Variants in GRM8 observed in about 807,000 individuals in gnomAD.
The protein encoded by GRM8 is glutamate metabotropic receptor 8.
A neutral mutation model predicts 87.2 loss-of-function variants in GRM8; 47 were observed. The observed-to-expected ratio is 0.54, with a 90% CI of 0.43 to 0.69. The LOEUF (loss-of-function observed/expected upper bound fraction) is 0.69. GRM8 is among the 30% of genes least tolerant of loss of function. GRM8 has a pLI of 0.00. For synonymous variants in GRM8, 396 were observed against 404.5 expected, an observed-to-expected ratio of 0.98 and a Z score of 0.25; for missense variants, 1,019 against 1,139.2, an observed-to-expected ratio of 0.89 and a Z score of 1.52.
At chr7:127,249,299 T>G (rs1798737536) in intron 1 of GRM8, among the ~76,000 whole-genome samples, 1 of 152,228 alleles carries the variant, frequency 6.6e-6, no homozygotes, top group Non-Finnish European at 1.5e-5. Context: ...TTTCATTACC[T>G]TGGCCCTCCC....
At chr7:126,816,912 A>G (rs1946109) in intron 6 of GRM8, among the ~76,000 whole-genome samples, 56,385 of 151,874 alleles carry the variant, frequency 0.37, 11,749 homozygotes, top group Non-Finnish European at 0.47. Context: ...CTTCCATTAT[A>G]TTTTGTTTGA....
chr7:127,023,729 G>T (rs1816498009), intron 3 of GRM8, among the ~76,000 whole-genome samples: 1 of 152,000 alleles, frequency 6.6e-6, no homozygotes, highest in Admixed American at 6.6e-5. Context: ...AAATCTCCTT[G>T]GCTGACAAAA....
At chr7:126,637,243 G>C (rs1484281258) in intron 7 of GRM8, among the ~76,000 whole-genome samples, 1 of 151,828 alleles carries the variant, frequency 6.6e-6, no homozygotes, top group Non-Finnish European at 1.5e-5. Flanking sequence ...ATACAATTTG[G>C]GTGCGAGGGA....
intron 2 of GRM8, among the ~76,000 whole-genome samples, chr7:127,198,890 G>A (rs1795438056): frequency 1.3e-5 from 2 of 150,154 alleles, no homozygotes; most frequent in Admixed American, 1.3e-4. Context: ...GCCCAGGCTG[G>A]AGTGCAATGG....
intron 7 of GRM8, among the ~76,000 whole-genome samples, chr7:126,723,195 C>G (rs532010157): frequency 4.6e-5 from 7 of 151,738 alleles, no homozygotes; most frequent in African/African-American, 1.4e-4. Context: ...GAAAGCAGAT[C>G]TAACTGCGGG....
chr7:126,717,784 C>T (rs764097623), intron 7 of GRM8, among the ~76,000 whole-genome samples: 1 of 152,018 alleles, frequency 6.6e-6, no homozygotes, highest in Non-Finnish European at 1.5e-5. Context: ...TGGTTAATAT[C>T]GGAATAATTT....
chr7:126,601,702 A>T (rs1267312471), intron 8 of GRM8, among the ~76,000 whole-genome samples: 7 of 142,318 alleles, frequency 4.9e-5, no homozygotes, highest in South Asian at 2.4e-4. Context: ...GCATTTTTTC[A>T]TGTGTTTTTT....
At chr7:127,037,040 C>A (rs1817912369) in intron 3 of GRM8, among the ~76,000 whole-genome samples, 1 of 152,066 alleles carries the variant, frequency 6.6e-6, no homozygotes, top group Non-Finnish European at 1.5e-5. Context: ...ATATTGCTTA[C>A]CCCTCAGCTT....
At chr7:127,179,549 T>C (rs982318671) in intron 2 of GRM8, among the ~76,000 whole-genome samples, 1 of 152,132 alleles carries the variant, frequency 6.6e-6, no homozygotes, top group African/African-American at 2.4e-5. Context: ...AAATACACGT[T>C]CTATTTAATA....
chr7:126,904,624 C>A lies in GRM8; in HGVS notation c.787G>T (p.Glu263Ter), dbSNP rs773802177. 1 of 1,613,708 alleles carries A rather than the reference C, an allele frequency of 6.2e-7. No individual in the cohort carries two copies. The highest frequency in any genetic ancestry group is 8.5e-7 in the Non-Finnish European group (1 of 1,179,688). Residue 263 changes from glutamate (E) to a stop codon, truncating the protein, a stop_gained, in exon 4 of 11, where the codon GAA (glutamate) becomes TAA (stop). Transcript: ENST00000339582. LOFTEE classifies it high-confidence loss of function. ...TCTAGCAGGCGTTTGATAATTTTTT[C>A]AAATTCTCCAGGTCTTGGTTCACGT... ...IPREPRPGEF[E>*]KIIKRLLETP...
chr7:126,831,120 G>A (rs1424289887), intron 6 of GRM8, among the ~76,000 whole-genome samples: 1 of 152,320 alleles, frequency 6.6e-6, no homozygotes, highest in Non-Finnish European at 1.5e-5. Context: ...CCTACTGGGG[G>A]GTGCCTCCCA....
intron 9 of GRM8, among the ~76,000 whole-genome samples, chr7:126,473,560 T>C (rs1173407223): frequency 6.6e-6 from 1 of 152,232 alleles, no homozygotes; most frequent in Non-Finnish European, 1.5e-5. Context: ...CATGAGACTT[T>C]GGACCGTGGA....
chr7:126,967,118 T>C (rs1319504088), intron 3 of GRM8, among the ~76,000 whole-genome samples: 1 of 152,172 alleles, frequency 6.6e-6, no homozygotes, highest in Non-Finnish European at 1.5e-5. Flanking sequence ...GGGTGACAGA[T>C]GGGTTTCTGG....
intron 3 of GRM8, among the ~76,000 whole-genome samples, chr7:126,957,028 G>A (rs1808765974): frequency 6.6e-6 from 1 of 152,100 alleles, no homozygotes. Flanking sequence ...CCAGGGACAG[G>A]ACCACGGTGT....
intron 6 of GRM8, among the ~76,000 whole-genome samples, chr7:126,789,462 C>T (rs1821032251): frequency 6.6e-6 from 1 of 152,082 alleles, no homozygotes; most frequent in African/African-American, 2.4e-5. Context: ...ACAGGGACTC[C>T]ACAATTCTTA....
At chr7:126,644,156 T>C (rs1802785539) in intron 7 of GRM8, among the ~76,000 whole-genome samples, 1 of 152,232 alleles carries the variant, frequency 6.6e-6, no homozygotes, top group Admixed American at 6.5e-5. Context: ...GTGCTAACTG[T>C]GAATCAATCA....
chr7:127,157,299 A>C (rs1205381748), intron 2 of GRM8, among the ~76,000 whole-genome samples: 1 of 151,952 alleles, frequency 6.6e-6, no homozygotes, highest in Non-Finnish European at 1.5e-5. Flanking sequence ...AGAGAGGGAA[A>C]AAAGAAGTCA....
intron 7 of GRM8, among the ~76,000 whole-genome samples, chr7:126,632,986 T>C (rs1267960526): frequency 6.6e-6 from 1 of 152,112 alleles, no homozygotes; most frequent in African/African-American, 2.4e-5. Context: ...ACTAATCTAA[T>C]TTTTCCTCTT....
chr7:126,605,210 A>G (rs1437386787), intron 8 of GRM8, among the ~76,000 whole-genome samples: 2 of 152,052 alleles, frequency 1.3e-5, no homozygotes, highest in Non-Finnish European at 1.5e-5. Flanking sequence ...CTAGGTTACA[A>G]TATGTTTTGT....
Sources: allele counts gnomAD v4.1 joint callset (sites outside exome capture counted in the v4.1 genomes callset), GRCh38; gene constraint gnomAD v4.1.1; transcripts MANE v1.5; gene names NCBI Gene and HGNC (gene_info 2026-07-23, HGNC 2026-07-21).